DUT: variants seen among roughly 807,000 people sequenced by gnomAD.
DUT encodes deoxyuridine triphosphatase.
A neutral mutation model predicts 28.8 loss-of-function variants in DUT; 21 were observed. That is an observed-to-expected ratio of 0.73 (90% CI 0.52 to 1.05). The LOEUF (loss-of-function observed/expected upper bound fraction) is 1.05, where lower values mean the gene tolerates loss of function less well. DUT is among the 50% of genes least tolerant of loss of function. DUT has a pLI of 0.00. For synonymous variants in DUT, 147 were observed against 143.7 expected, an observed-to-expected ratio of 1.02 and a Z score of -0.17; for missense variants, 344 against 351.8, an observed-to-expected ratio of 0.98 and a Z score of 0.18.
intron 4 of DUT, among the ~76,000 whole-genome samples, chr15:48,339,675 C>T (rs2141167058): frequency 6.6e-6 from 1 of 152,202 alleles, no homozygotes; most frequent in East Asian, 1.9e-4. Flanking sequence ...TGGAATTGGT[C>T]AAGTTCAATA....
At chr15:48,341,900 C>G in intron 6 of DUT, 122 bp from the exon 7 acceptor site, 4 of 767,692 alleles carry the variant, frequency 5.2e-6, no homozygotes, top group Non-Finnish European at 8.5e-6. Flanking sequence ...TGTAATCTCC[C>G]TTTTGAAAAG....
chr15:48,338,349 G>C (rs2042496098), intron 4 of DUT, among the ~76,000 whole-genome samples: 1 of 152,276 alleles, frequency 6.6e-6, no homozygotes, highest in Non-Finnish European at 1.5e-5. Flanking sequence ...AATCATTTGA[G>C]TAGTTCTGAT....
In DUT at chr15:48,332,320, C is replaced by T. The variant is rs1267562530; in HGVS notation, c.333C>T (p.Gly111=). 1 of 1,608,266 alleles carries T rather than the reference C, an allele frequency of 6.2e-7. No homozygotes were observed. Among genetic ancestry groups the T allele is most frequent in the Non-Finnish European group, 8.5e-7 (1 of 1,178,186 alleles). ...SKRARPAEVG[G]MQLRFARLSE... The stretch of plus-strand genomic sequence containing the variant: ...GGGCCCGGCCTGCGGAGGTGGGCGG[C>T]ATGCAGCTCCGCTTTGCCCGGCTCT... Residue 111 remains glycine, a synonymous_variant, in exon 2 of 7, where the codon GGC becomes GGT. Coordinates refer to ENST00000331200, the MANE Select transcript of DUT (RefSeq NM_001025248.2).
At chr15:48,334,625 C>A (rs957513053) in intron 3 of DUT, 117 bp downstream of exon 3, 53 of 659,688 alleles carry the variant, frequency 8.0e-5, no homozygotes, top group Non-Finnish European at 1.2e-4. Flanking sequence ...CTAAAAGAAG[C>A]ACCATTTGTG....
At chr15:48,338,949 C>T (rs2042502298) in intron 4 of DUT, among the ~76,000 whole-genome samples, 1 of 152,114 alleles carries the variant, frequency 6.6e-6, no homozygotes, top group Admixed American at 6.6e-5. Flanking sequence ...CTTATTTGAG[C>T]AACATAGGGA....
At chr15:48,331,844 G>A (rs2042415397) in intron 1 of DUT, 49 bp downstream of exon 1, 1 of 1,317,528 alleles carries the variant, frequency 7.6e-7, no homozygotes, top group South Asian at 2.0e-5. Flanking sequence ...GAATCCACGC[G>A]GCTTGAGGCT....
chr15:48,332,466 A>G, intron 2 of DUT, 60 bp downstream of exon 2: 1 of 1,386,138 alleles, frequency 7.2e-7, no homozygotes, highest in Non-Finnish European at 9.7e-7. Flanking sequence ...TGCCACAGCT[A>G]GAAACAGTCA....
chr15:48,335,009 A>G (rs2042459698), intron 3 of DUT, among the ~76,000 whole-genome samples: 1 of 152,230 alleles, frequency 6.6e-6, no homozygotes, highest in Non-Finnish European at 1.5e-5. Flanking sequence ...ACTTCAGAGT[A>G]AACATAAAGG....
rs1162423666 is a variant in DUT at position 48,343,161 on chromosome 15, C to G, written c.*1083C>G. The G allele has an allele frequency of 6.6e-6, 1 of 152,122 alleles. No homozygotes were observed. Among genetic ancestry groups the G allele is most frequent in the Non-Finnish European group, 1.5e-5 (1 of 68,032 alleles). 9.4% of individuals were successfully genotyped at this position (152,122 alleles called of 1,614,324 possible). On this transcript the variant is annotated 3_prime_UTR_variant, in exon 7 of 7. Transcript: ENST00000331200. ...TGGAACTATCAGCCCACTTGACCAC[C>G]CAGTTTGTGGAAGCACAGGCAAGAG... is the stretch of plus-strand genomic sequence containing the variant.
In DUT at chr15:48,342,094, C is replaced by G. The variant is rs764469281; in HGVS notation, c.*16C>G. On this transcript the variant is annotated 3_prime_UTR_variant, in exon 7 of 7. Transcript: ENST00000331200. ...AAAGAATTAAAATTTATGCCAAGAA[C>G]AGAAAACAAGAAGTCATACCTTTTT... is the stretch of plus-strand genomic sequence containing the variant. 6.7e-7 allele frequency: 1 copy of G among 1,490,306 alleles called. No homozygotes were observed. The highest frequency in any genetic ancestry group is 8.9e-7 in the Non-Finnish European group (1 of 1,117,518). 92.3% of individuals were successfully genotyped at this position (1,490,306 alleles called of 1,614,324 possible). A position where few individuals can be genotyped will look rare whatever the true frequency, so the allele number is the denominator to read the frequency against.
intron 2 of DUT, among the ~76,000 whole-genome samples, chr15:48,334,138 A>G (rs2042449457): frequency 6.6e-6 from 1 of 152,170 alleles, no homozygotes; most frequent in Non-Finnish European, 1.5e-5. Flanking sequence ...TCAGGGGCAA[A>G]CATTTACAAT....
chr15:48,338,096 C>A (rs1385779964), intron 4 of DUT, among the ~76,000 whole-genome samples: 1 of 151,884 alleles, frequency 6.6e-6, no homozygotes, highest in Non-Finnish European at 1.5e-5. Flanking sequence ...ATACTTATAT[C>A]CTGTAGGCAG....
chr15:48,339,609 T>C (rs2042510813), intron 4 of DUT, among the ~76,000 whole-genome samples: 2 of 152,106 alleles, frequency 1.3e-5, no homozygotes, highest in Non-Finnish European at 2.9e-5. Flanking sequence ...TTCATAAATA[T>C]TAAGGTGTAA....
At chr15:48,339,356 A>G (rs2042508402) in intron 4 of DUT, among the ~76,000 whole-genome samples, 1 of 152,192 alleles carries the variant, frequency 6.6e-6, no homozygotes, top group Non-Finnish European at 1.5e-5. Flanking sequence ...TAGAAACAAT[A>G]GTTCAGAAGT....
Position 48,342,770 on chromosome 15 carries a change from A to C in DUT, c.*692A>C, listed in dbSNP as rs2042554077. ...TTGTTACTTTAGGTTTGTTCCCTTG[A>C]ATTTCATCTCATCAGGCAAATTGTA... On this transcript the variant is annotated 3_prime_UTR_variant, in exon 7 of 7. Coordinates refer to ENST00000331200, the MANE Select transcript of DUT (RefSeq NM_001025248.2). 6.6e-6 allele frequency: 1 copy of C among 152,198 alleles called. No individual in the cohort carries two copies. The allele number at this position is 152,198 out of a possible 1,614,324, so 9.4% of individuals were successfully genotyped here. A position where few individuals can be genotyped will look rare whatever the true frequency, so the allele number is the denominator to read the frequency against.
At chr15:48,341,991 CTG>C (rs1272343785) in intron 6 of DUT, 29 bp from the exon 7 acceptor site, 3 of 1,544,028 alleles carry the variant, frequency 1.9e-6, no homozygotes, top group Non-Finnish European at 2.6e-6. Flanking sequence ...TTAAAAAAAA[CTG>C]TGAAGCTTAC....
At position 48,331,856 on chromosome 15, in the gene DUT, T is replaced by TG. The variant is rs1241246464; in HGVS notation, c.280+66dup. On this transcript the variant is annotated intron_variant, in intron 1 of 6. Transcript: ENST00000331200. ...AAGGAATCCACGCGGCTTGAGGCTG[T>TG]GGGGGAAGTAGGGTGGCGAGCGGTC... 7.3e-5 allele frequency: 54 copies of TG among 738,790 alleles called. No individual in the cohort carries two copies. In the African/African-American group the frequency reaches 2.1e-3, roughly 28 times the overall value. 45.8% of individuals were successfully genotyped at this position (738,790 alleles called of 1,614,324 possible). A position where few individuals can be genotyped will look rare whatever the true frequency, so the allele number is the denominator to read the frequency against.
Position 48,331,786 on chromosome 15 carries a change from C to G in DUT, c.271C>G (p.Pro91Ala). The G allele has an allele frequency of 1.5e-6, 2 of 1,371,758 alleles. No individual in the cohort carries two copies. Among genetic ancestry groups the G allele is most frequent in the Non-Finnish European group, 1.9e-6 (2 of 1,068,150 alleles). 85.0% of individuals were successfully genotyped at this position (1,371,758 alleles called of 1,614,324 possible). A position where few individuals can be genotyped will look rare whatever the true frequency, so the allele number is the denominator to read the frequency against. ...TCCTAAGGCGGGGGGAAGCCCGGCGCCGGGGCCGGGTAGGAAAGGCGGGGG... is the reference window on the plus strand; with the variant it reads ...TCCTAAGGCGGGGGGAAGCCCGGCGGCGGGGCCGGGTAGGAAAGGCGGGGG... The part of the protein sequence containing the change: ...ELPKAGGSPA[P>A]GPETPAISPS... The change falls in exon 1 of 7, where the codon CCG becomes GCG. Residue 91 changes from proline (P) to alanine (A), a missense_variant. By Grantham distance (27) the Pro-to-Ala change is conservative. Transcript: ENST00000331200.
At chr15:48,340,553 T>C (rs1416648157) in intron 4 of DUT, among the ~76,000 whole-genome samples, 1 of 152,188 alleles carries the variant, frequency 6.6e-6, no homozygotes, top group South Asian at 2.1e-4. Context: ...CTAGCAAGTC[T>C]GGTAAGTATA....
Sources: gnomAD v4.1 joint callset for allele counts (sites outside exome capture counted in the v4.1 genomes callset) on GRCh38, gnomAD v4.1.1 for gene constraint, MANE v1.5 for transcripts, NCBI Gene and HGNC (gene_info 2026-07-23, HGNC 2026-07-21) for gene names.